The following DCC variants were observed in gnomAD, a reference collection of about 807,000 sequenced individuals.
DCC encodes the protein DCC netrin 1 receptor.
DCC carries 58 observed loss-of-function variants against 172.5 expected under a neutral mutation model. The observed-to-expected ratio is 0.34, with a 90% CI of 0.27 to 0.42. The LOEUF is 0.42. Ranked by LOEUF, DCC falls within the 10% of genes least tolerant of loss-of-function variation. The probability of loss-of-function intolerance (pLI) is 1.00; values close to 1 mark genes in which losing one functional copy is unlikely to be tolerated. For missense variants in DCC, 1,740 were observed against 1,791.0 expected, an observed-to-expected ratio of 0.97 and a Z score of 0.51; for synonymous variants, 709 against 644.5, an observed-to-expected ratio of 1.10 and a Z score of -1.52.
At chr18:53,374,944 T>G (rs1030555126) in intron 15 of DCC, among the ~76,000 whole-genome samples, 3 of 152,114 alleles carry the variant, frequency 2.0e-5, no homozygotes, top group Non-Finnish European at 4.4e-5. Context: ...TCAAAGAGAG[T>G]GTAAACCATT....
chr18:52,346,039 C>A (rs1983863925), intron 1 of DCC, among the ~76,000 whole-genome samples: 1 of 152,134 alleles, frequency 6.6e-6, no homozygotes, highest in African/African-American at 2.4e-5. Flanking sequence ...GAGGAAAAAA[C>A]ATTTCTTAAT....
chr18:52,986,968 G>A (rs778178534), intron 5 of DCC, among the ~76,000 whole-genome samples: 10 of 151,892 alleles, frequency 6.6e-5, no homozygotes, highest in African/African-American at 9.7e-5. Flanking sequence ...GATTACAGGC[G>A]CACACCACTA....
At chr18:53,470,518 G>C (rs1044503754) in intron 25 of DCC, among the ~76,000 whole-genome samples, 1 of 152,014 alleles carries the variant, frequency 6.6e-6, no homozygotes, top group African/African-American at 2.4e-5. Flanking sequence ...CTTTATAGCA[G>C]TGCCACACTC....
rs572972657 is a variant in DCC, at chr18:53,519,529, T to G, written c.4112-7088T>G. ...CACCTCCCTCTCCCAAAATGAAGTG[T>G]TTTTTTTTTTTTTCTTAACCACATT... is the stretch of plus-strand genomic sequence containing the variant. On this transcript the variant is annotated intron_variant, in intron 27 of 28. Transcript: ENST00000442544. Among the ~76,000 whole-genome samples, 70 of 86,984 alleles carry G rather than the reference T, an allele frequency of 8.0e-4. 1 individual carries two copies. The highest frequency in any genetic ancestry group is 2.9e-3 in the East Asian group (9 of 3,126). The allele number at this position is 86,984 out of a possible 152,430, so 57.1% of individuals were successfully genotyped here. A position where few individuals can be genotyped will look rare whatever the true frequency, so the allele number is the denominator to read the frequency against.
intron 13 of DCC, among the ~76,000 whole-genome samples, chr18:53,309,740 C>T (rs1377996719): frequency 6.6e-6 from 1 of 151,892 alleles, no homozygotes; most frequent in Non-Finnish European, 1.5e-5. Context: ...AGGAACAGCT[C>T]ACAAATGCCC....
intron 12 of DCC, among the ~76,000 whole-genome samples, chr18:53,284,276 A>G (rs1466826609): frequency 6.6e-6 from 1 of 152,130 alleles, no homozygotes; most frequent in East Asian, 1.9e-4. Context: ...TTGAGGATAG[A>G]TATGGCTTTG....
At chr18:52,957,511 C>A (rs2040765289) in intron 5 of DCC, among the ~76,000 whole-genome samples, 1 of 151,902 alleles carries the variant, frequency 6.6e-6, no homozygotes, top group South Asian at 2.1e-4. Flanking sequence ...TGCTAAATAC[C>A]ATCCACATAA....
At chr18:52,621,759 T>TCTTTG (rs1364069513) in intron 1 of DCC, among the ~76,000 whole-genome samples, 6 of 152,208 alleles carry the variant, frequency 3.9e-5, no homozygotes, top group African/African-American at 1.4e-4. Flanking sequence ...TTTACAAGTC[T>TCTTTG]CTTTGCTTTT....
At chr18:52,429,008 C>T (rs1367159621) in intron 1 of DCC, among the ~76,000 whole-genome samples, 1 of 152,070 alleles carries the variant, frequency 6.6e-6, no homozygotes, top group Non-Finnish European at 1.5e-5. Context: ...TTCCTGCCAT[C>T]CCCAACTCCT....
chr18:52,703,800 GA>G (rs34414459), intron 1 of DCC, among the ~76,000 whole-genome samples: 74,100 of 147,740 alleles, frequency 0.5, 19,477 homozygotes, highest in Non-Finnish European at 0.59. Flanking sequence ...AAGTTAAATG[GA>G]AAAAAAAAAA....
chr18:53,467,491 A>G (rs2045636157), intron 24 of DCC, among the ~76,000 whole-genome samples: 1 of 152,176 alleles, frequency 6.6e-6, no homozygotes, highest in Non-Finnish European at 1.5e-5. Context: ...GTAAATTAAT[A>G]TAGTGGAATA....
intron 1 of DCC, among the ~76,000 whole-genome samples, chr18:52,626,393 C>T (rs1260426777): frequency 1.3e-5 from 2 of 152,152 alleles, no homozygotes; most frequent in African/African-American, 4.8e-5. Flanking sequence ...TAGCCTGACC[C>T]AAGCTCTTAA....
At chr18:52,607,018 A>AATTT (rs2034146849) in intron 1 of DCC, among the ~76,000 whole-genome samples, 1 of 152,184 alleles carries the variant, frequency 6.6e-6, no homozygotes, top group African/African-American at 2.4e-5. Context: ...TGAAATGCTA[A>AATTT]AGGTCATTTT....
intron 5 of DCC, among the ~76,000 whole-genome samples, chr18:52,991,434 G>A (rs908296156): frequency 6.6e-6 from 1 of 152,188 alleles, no homozygotes; most frequent in African/African-American, 2.4e-5. Context: ...AGTAAATAAA[G>A]TGTGAGTAAT....
chr18:52,870,463 T>C (rs2039301333), intron 2 of DCC, among the ~76,000 whole-genome samples: 1 of 152,124 alleles, frequency 6.6e-6, no homozygotes, highest in African/African-American at 2.4e-5. Flanking sequence ...ACTGTTGCTG[T>C]GAAACGAATG....
At chr18:53,504,255 G>A (rs558645805) in intron 27 of DCC, among the ~76,000 whole-genome samples, 7 of 152,068 alleles carry the variant, frequency 4.6e-5, no homozygotes, top group South Asian at 2.1e-4. Flanking sequence ...CTGCCATTGC[G>A]GGTATTCATC....
At chr18:52,376,632 C>T (rs796484458) in intron 1 of DCC, among the ~76,000 whole-genome samples, 12 of 152,210 alleles carry the variant, frequency 7.9e-5, no homozygotes, top group African/African-American at 2.6e-4. Flanking sequence ...CTCCCTATCT[C>T]ATCTTTTACA....
intron 12 of DCC, among the ~76,000 whole-genome samples, chr18:53,257,006 C>T (rs1051556026): frequency 2.6e-5 from 4 of 152,122 alleles, no homozygotes; most frequent in Non-Finnish European, 4.4e-5. Flanking sequence ...TGATTTGGCT[C>T]TCTGTTTGTC....
chr18:52,898,971 C>T (rs192009629), intron 2 of DCC, among the ~76,000 whole-genome samples: 158 of 152,238 alleles, frequency 1.0e-3, no homozygotes, highest in African/African-American at 3.2e-3. Flanking sequence ...AAAACGTCTA[C>T]TGATTTACAA....
Sources: allele counts gnomAD v4.1 joint callset (sites outside exome capture counted in the v4.1 genomes callset), GRCh38; gene constraint gnomAD v4.1.1; transcripts MANE v1.5; gene names NCBI Gene and HGNC (gene_info 2026-07-23, HGNC 2026-07-21).